The following ZNF496 variants were observed in gnomAD, a reference collection of about 807,000 sequenced individuals.
The protein encoded by ZNF496 is NSD1 (nuclear receptor binding SET-domain containing 1)-interacting zinc finger protein 1.
A neutral mutation model predicts 58.9 loss-of-function variants in ZNF496; 11 were observed. That is an observed-to-expected ratio of 0.19 (90% CI 0.12 to 0.31). ZNF496 has a LOEUF of 0.31. Among genes scored for constraint, ZNF496 ranks in the 10% least tolerant of loss-of-function variants. The probability of loss-of-function intolerance (pLI) is 1.00; values close to 1 mark genes in which losing one functional copy is unlikely to be tolerated. For missense variants in ZNF496, 660 were observed against 783.0 expected, an observed-to-expected ratio of 0.84 and a Z score of 1.88; for synonymous variants, 338 against 318.2, an observed-to-expected ratio of 1.06 and a Z score of -0.66.
intron 6 of ZNF496, chr1:247,322,747 C>T: frequency 7.7e-7 from 1 of 1,291,010 alleles, no homozygotes; most frequent in Non-Finnish European, 1.0e-6. Flanking sequence ...CTTCCCTCCA[C>T]TTCCTAACAT....
intron 9 of ZNF496, chr1:247,307,699 A>C (rs745932389): frequency 1.0e-6 from 1 of 985,294 alleles, no homozygotes; most frequent in Non-Finnish European, 1.2e-6. Flanking sequence ...AAATGGCATA[A>C]ATCTTGCCTT....
At position 247,308,855 on chromosome 1, in the gene ZNF496, C is replaced by T. The variant is rs1247185685; in HGVS notation, c.893-267G>A. ...ACTCCACCCACTCTATGGCCAGAGA[C>T]AAGCACTTCCCCCAGCCCCATATTT... On this transcript the variant is annotated intron_variant, in intron 8 of 9. Coordinates refer to ENST00000682384, the MANE Select transcript of ZNF496 (RefSeq NM_032752.3). The surrounding 1 kb of genome is among the most constrained non-coding windows in gnomAD (Gnocchi z 4.5). 1.2e-5 allele frequency: 5 copies of T among 423,838 alleles called. No individual in the cohort carries two copies. Among genetic ancestry groups the T allele is most frequent in the African/African-American group, 1.0e-4 (5 of 49,404 alleles). 26.3% of individuals were successfully genotyped at this position (423,838 alleles called of 1,614,324 possible). A position where few individuals can be genotyped will look rare whatever the true frequency, so the allele number is the denominator to read the frequency against.
Position 247,308,548 on chromosome 1 carries a change from C to T in ZNF496, c.933G>A (p.Arg311=). Residue 311 remains arginine (R), a synonymous_variant, in exon 9 of 10, where the codon AGG becomes AGA. Transcript: ENST00000682384. The surrounding 1 kb of genome is among the most constrained non-coding windows in gnomAD (Gnocchi z 4.5). ...SLQPFQVEER[R]KREELQVPEF... ...CTGGCACCTGCAGCTCCTCACGTTT[C>T]CTTCTTTCTTCTACCTGGAATGGCT... The T allele has an allele frequency of 6.2e-7, 1 of 1,614,158 alleles. No individual in the cohort carries two copies. Among genetic ancestry groups the T allele is most frequent in the Non-Finnish European group, 8.5e-7 (1 of 1,180,016 alleles).
In ZNF496 at chr1:247,309,580, C is replaced by A. The variant is rs1420651740; in HGVS notation, c.892+119G>T. On this transcript the variant is annotated intron_variant, in intron 8 of 9. Coordinates refer to ENST00000682384, the MANE Select transcript of ZNF496 (RefSeq NM_032752.3). This position sits in a 1 kb window ranked among gnomAD's most constrained non-coding sequence, Gnocchi z 4.3. ...AAGACATGCAAGACCCACATAGAGT[C>A]TGGGGAAATGAAGAAGGCAATTAGG... 1 of 1,485,116 alleles carries A rather than the reference C, an allele frequency of 6.7e-7. No individual in the cohort carries two copies. The highest frequency in any genetic ancestry group is 1.4e-5 in the African/African-American group (1 of 71,332). 92.0% of individuals were successfully genotyped at this position (1,485,116 alleles called of 1,614,324 possible). A position where few individuals can be genotyped will look rare whatever the true frequency, so the allele number is the denominator to read the frequency against.
At chr1:247,307,325 T>C (rs1287371407) in intron 9 of ZNF496, 3 of 985,328 alleles carry the variant, frequency 3.0e-6, no homozygotes, top group South Asian at 9.4e-5. Flanking sequence ...GGCTTCTGGC[T>C]GTTTCAGAGC....
Position 247,323,195 on chromosome 1 carries a change from C to A in ZNF496, c.610G>T (p.Val204Leu), listed in dbSNP as rs779872767. The A allele has an allele frequency of 3.7e-6, 6 of 1,614,120 alleles. No homozygotes were observed. The highest frequency in any genetic ancestry group is 4.5e-5 in the East Asian group (2 of 44,878). The change falls in exon 6 of 10, where the codon GTG (valine) becomes TTG (leucine). Residue 204 changes from valine (V) to leucine (L), a missense_variant. Coordinates refer to ENST00000682384, the MANE Select transcript of ZNF496 (RefSeq NM_032752.3). ...QDAFLLQEEN[V>L]RDTQQVTTLQ... is the part of the protein sequence containing the mutation. ...GTGGTCACCTGCTGTGTGTCCCGCA[C>A]ATTCTCTTCCTGAAGAAGGAAAGCA... is the stretch of plus-strand genomic sequence containing the variant.
chr1:247,307,862 A>T (rs1335643394), intron 9 of ZNF496: 1 of 985,294 alleles, frequency 1.0e-6, no homozygotes, highest in Non-Finnish European at 1.2e-6. Context: ...TGCTTCTGGA[A>T]GTGGTGACTT....
chr1:247,312,464 T>C (rs1384308639), intron 6 of ZNF496: 1 of 152,094 alleles, frequency 6.6e-6, no homozygotes, highest in Non-Finnish European at 1.5e-5. Flanking sequence ...AAATCACCCG[T>C]AATAGTCTGT....
At chr1:247,315,916 G>A (rs932660594) in intron 6 of ZNF496, among the ~76,000 whole-genome samples, 3 of 152,166 alleles carry the variant, frequency 2.0e-5, no homozygotes, top group Non-Finnish European at 2.9e-5. Flanking sequence ...GAGCCCCTAA[G>A]TGGATCTGCT....
intron 9 of ZNF496, among the ~76,000 whole-genome samples, chr1:247,304,504 T>A (rs1241277145): frequency 1.3e-5 from 2 of 152,058 alleles, no homozygotes; most frequent in African/African-American, 4.8e-5. Context: ...CCTGAGTAGC[T>A]GGGATTACAG....
chr1:247,301,278 T>C lies in ZNF496; in HGVS notation c.1007-2A>G. The C allele has an allele frequency of 6.6e-7, 1 of 1,507,734 alleles. No homozygotes were observed. The highest frequency in any genetic ancestry group is 8.8e-7 in the Non-Finnish European group (1 of 1,132,136). 93.4% of individuals were successfully genotyped at this position (1,507,734 alleles called of 1,614,324 possible). On this transcript the variant is annotated splice_acceptor_variant, in intron 9 of 9. Coordinates refer to ENST00000682384, the MANE Select transcript of ZNF496 (RefSeq NM_032752.3). LOFTEE classifies it high-confidence loss of function. ...CTAGAGATCGCGGGTTGCCGCCAGC[T>C]ACAGGAAGGCAACATGCAGGTCAGC...
Position 247,329,234 on chromosome 1 carries a change from G to A in ZNF496, c.345C>T (p.Ala115=), listed in dbSNP as rs770418401. The change falls in exon 4 of 10, where the codon GCC becomes GCT. Residue 115 remains alanine, a synonymous_variant. Transcript: ENST00000682384. The surrounding 1 kb of genome is among the most constrained non-coding windows in gnomAD (Gnocchi z 5.5). ...QEPESGEQAV[A]AVEALEREPG... Reference sequence around the variant, plus strand: ...GCTCCCGTTCCAGTGCCTCCACCGCGGCCACAGCCTGCTCTCCGCTCTCAG... The same window carrying A: ...GCTCCCGTTCCAGTGCCTCCACCGCAGCCACAGCCTGCTCTCCGCTCTCAG... 2.8e-5 allele frequency: 45 copies of A among 1,613,366 alleles called. No homozygotes were observed. The highest frequency in any genetic ancestry group is 4.5e-5 in the East Asian group (2 of 44,880).
rs1319628206 is a variant in ZNF496 at position 247,310,701 on chromosome 1, G to A, written c.652-245C>T. On this transcript the variant is annotated intron_variant, in intron 6 of 9. Transcript: ENST00000682384. ...TCTGTGTCCTTACATGATGGAGAGG[G>A]CAAGGGAGTTCTCTGGGGCCTCTTT... The A allele has an allele frequency of 1.1e-5, 5 of 463,462 alleles. 1 individual carries two copies. The Middle Eastern group carries it at 2.3e-3, about 213-fold the overall frequency. 28.7% of individuals were successfully genotyped at this position (463,462 alleles called of 1,614,324 possible).
intron 6 of ZNF496, chr1:247,322,651 A>G (rs1237632335): frequency 8.1e-7 from 1 of 1,230,000 alleles, no homozygotes; most frequent in Non-Finnish European, 1.1e-6. Context: ...CAAGTCTTAC[A>G]CAAAAACACG....
Position 247,308,017 on chromosome 1 carries a change from G to T in ZNF496, c.1006+458C>A. 1 of 985,346 alleles carries T rather than the reference G, an allele frequency of 1.0e-6. No homozygotes were observed. 61.0% of individuals were successfully genotyped at this position (985,346 alleles called of 1,614,324 possible). A position where few individuals can be genotyped will look rare whatever the true frequency, so the allele number is the denominator to read the frequency against. ...TTCCAAGATTCTGTGCCAGGATGCTGGCCATCCATGCTGAGAGAAGAAAAA... is the reference window on the plus strand; with the variant it reads ...TTCCAAGATTCTGTGCCAGGATGCTTGCCATCCATGCTGAGAGAAGAAAAA... On this transcript the variant is annotated intron_variant, in intron 9 of 9. Coordinates refer to ENST00000682384, the MANE Select transcript of ZNF496 (RefSeq NM_032752.3). This position sits in a 1 kb window ranked among gnomAD's most constrained non-coding sequence, Gnocchi z 4.5.
At position 247,300,485 on chromosome 1, in the gene ZNF496, C is replaced by T; in HGVS notation, c.*34G>A. ...TCAGTACCAAGGTGAGGGGGCAGCA[C>T]CAGCCAGGGTGAGGCCGCCCCAGGC... is the stretch of plus-strand genomic sequence containing the variant. On this transcript the variant is annotated 3_prime_UTR_variant, in exon 10 of 10. Coordinates refer to ENST00000682384, the MANE Select transcript of ZNF496 (RefSeq NM_032752.3). The surrounding 1 kb of genome is among the most constrained non-coding windows in gnomAD (Gnocchi z 5.7). The T allele has an allele frequency of 1.3e-6, 2 of 1,570,722 alleles. No individual in the cohort carries two copies. The highest frequency in any genetic ancestry group is 1.7e-6 in the Non-Finnish European group (2 of 1,156,576).
intron 5 of ZNF496, among the ~76,000 whole-genome samples, chr1:247,325,579 A>G (rs1660093768): frequency 6.6e-6 from 1 of 152,160 alleles, no homozygotes; most frequent in African/African-American, 2.4e-5. Flanking sequence ...CATCAACCTC[A>G]CCATGCTGTA....
Position 247,308,913 on chromosome 1 carries a change from C to G in ZNF496, c.893-325G>C. ...CTTTCTGTGGTGGGTTTTCTATAGT[C>G]ATCACCACAGGCTCCTGCACACTCC... On this transcript the variant is annotated intron_variant, in intron 8 of 9. Coordinates refer to ENST00000682384, the MANE Select transcript of ZNF496 (RefSeq NM_032752.3). The surrounding 1 kb of genome is among the most constrained non-coding windows in gnomAD (Gnocchi z 4.5). 5.1e-5 allele frequency: 18 copies of G among 351,200 alleles called. No individual in the cohort carries two copies. The highest frequency in any genetic ancestry group is 1.4e-4 in the South Asian group (6 of 42,860). The allele number at this position is 351,200 out of a possible 1,614,324, so 21.8% of individuals were successfully genotyped here.
rs1188390861 is a variant in ZNF496, at chr1:247,299,648, AT to A, written c.*870del. The A allele has an allele frequency of 6.6e-6, 1 of 152,268 alleles. No individual in the cohort carries two copies. Among genetic ancestry groups the A allele is most frequent in the Non-Finnish European group, 1.5e-5 (1 of 68,058 alleles). The allele number at this position is 152,268 out of a possible 1,614,324, so 9.4% of individuals were successfully genotyped here. On this transcript the variant is annotated 3_prime_UTR_variant, in exon 10 of 10. Transcript: ENST00000682384. ...AGCTCCACATTCCTAGACAGGACAGATTGGAAGAAGGGACTTAAGTGCCTTT... is the reference window on the plus strand; with the variant it reads ...AGCTCCACATTCCTAGACAGGACAGATGGAAGAAGGGACTTAAGTGCCTTT...
Sources: gnomAD v4.1 joint callset for allele counts (sites outside exome capture counted in the v4.1 genomes callset) on GRCh38, gnomAD v4.1.1 for gene constraint, Gnocchi (gnomAD v3.1) non-coding constraint, MANE v1.5 for transcripts, NCBI Gene and HGNC (gene_info 2026-07-23, HGNC 2026-07-21) for gene names.